Variants in ADM2 observed in about 807,000 individuals in gnomAD.
ADM2 encodes the protein adrenomedullin 2, also known as protein ADM2.
ADM2 carries 5 observed loss-of-function variants against 7.1 expected under a neutral mutation model. That is an observed-to-expected ratio of 0.71 (90% CI 0.37 to 1.49). The LOEUF is 1.49. ADM2 is among the 40% of genes most tolerant of loss of function. The pLI is 0.03. For synonymous variants in ADM2, 123 were observed against 92.8 expected, an observed-to-expected ratio of 1.33 and a Z score of -1.87; for missense variants, 236 against 211.2, an observed-to-expected ratio of 1.12 and a Z score of -0.73.
rs2068197374 is a variant in ADM2, at chr22:50,481,738, G to T, written c.-37G>T. 2.7e-5 allele frequency: 17 copies of T among 635,774 alleles called. 1 individual carries two copies. The South Asian group carries it at 5.2e-4, about 19-fold the overall frequency. 39.4% of individuals were successfully genotyped at this position (635,774 alleles called of 1,614,324 possible). On this transcript the variant is annotated 5_prime_UTR_variant, in exon 1 of 3. Transcript: ENST00000395737. ...CCAGCTTGCCACGCCCACGCCCGGC[G>T]CCCCGACCGCGGAGGACTCCCCGAG... is the stretch of plus-strand genomic sequence containing the variant.
intron 2 of ADM2, among the ~76,000 whole-genome samples, 190 bp downstream of exon 2, chr22:50,482,147 A>G (rs1335734942): frequency 6.6e-6 from 1 of 152,048 alleles, no homozygotes; most frequent in Non-Finnish European, 1.5e-5. Context: ...GCCTCCCTAC[A>G]CAGGGCAGTT....
intron 2 of ADM2, among the ~76,000 whole-genome samples, chr22:50,482,201 G>T (rs572294219): frequency 1.3e-5 from 2 of 152,332 alleles, no homozygotes; most frequent in East Asian, 1.9e-4. Context: ...TCTTCTGGGG[G>T]TGTCTGCTGG....
chr22:50,482,363 C>G (rs999355149), intron 2 of ADM2, among the ~76,000 whole-genome samples: 1 of 152,126 alleles, frequency 6.6e-6, no homozygotes, highest in Non-Finnish European at 1.5e-5. Context: ...TCCCGGGACA[C>G]GTGACCCGGG....
At position 50,483,732 on chromosome 22, in the gene ADM2, CCCA is replaced by C; in HGVS notation, c.*838_*840del. The C allele has an allele frequency of 6.0e-6, 1 of 167,662 alleles. No homozygotes were observed. The highest frequency in any genetic ancestry group is 1.3e-5 in the Non-Finnish European group (1 of 77,072). The allele number at this position is 167,662 out of a possible 1,614,324, so 10.4% of individuals were successfully genotyped here. A position where few individuals can be genotyped will look rare whatever the true frequency, so the allele number is the denominator to read the frequency against. ...GGGGCTCCACAGGCAGCACAGGCGC[CCCA>C]CCACCACCCAGTTTGGGGACCCAGT... On this transcript the variant is annotated 3_prime_UTR_variant, in exon 3 of 3. Transcript: ENST00000395737.
chr22:50,481,620 A>G lies in ADM2; in HGVS notation c.-155A>G. The G allele has an allele frequency of 4.5e-6, 1 of 220,490 alleles. No homozygotes were observed. The highest frequency in any genetic ancestry group is 8.7e-6 in the Non-Finnish European group (1 of 115,516). 13.7% of individuals were successfully genotyped at this position (220,490 alleles called of 1,614,324 possible). A position where few individuals can be genotyped will look rare whatever the true frequency, so the allele number is the denominator to read the frequency against. On this transcript the variant is annotated 5_prime_UTR_variant, in exon 1 of 3. Coordinates refer to ENST00000395737, the MANE Select transcript of ADM2 (RefSeq NM_001253845.2). Reference sequence around the variant, plus strand: ...TCCAGGCAGGACCCCCAACCCGCCCAGCCCGCTCCGCCTTGCGCCCCGGAC... The same window carrying G: ...TCCAGGCAGGACCCCCAACCCGCCCGGCCCGCTCCGCCTTGCGCCCCGGAC...
intron 2 of ADM2, 152 bp downstream of exon 2, chr22:50,482,109 G>A: frequency 1.4e-6 from 1 of 715,778 alleles, no homozygotes; most frequent in Non-Finnish European, 2.2e-6. Flanking sequence ...AGGAGCGCCT[G>A]AGCAGGGCCA....
rs2068244593 is a variant in ADM2 at position 50,484,818 on chromosome 22, T to C, written c.*1915T>C. On this transcript the variant is annotated 3_prime_UTR_variant, in exon 3 of 3. Coordinates refer to ENST00000395737, the MANE Select transcript of ADM2 (RefSeq NM_001253845.2). ...CCTCGGGTGCGAAATCAGACCCACC[T>C]GACACCATCACGCGGAGGCCCAGCA... 1 of 117,638 alleles carries C rather than the reference T, an allele frequency of 8.5e-6. No homozygotes were observed. Among genetic ancestry groups the C allele is most frequent in the Admixed American group, 8.5e-5 (1 of 11,748 alleles). 7.3% of individuals were successfully genotyped at this position (117,638 alleles called of 1,614,324 possible).
At position 50,486,328 on chromosome 22, in the gene ADM2, T is replaced by G. The variant is rs1045590866; in HGVS notation, c.*3425T>G. On this transcript the variant is annotated 3_prime_UTR_variant, in exon 3 of 3. Transcript: ENST00000395737. ...TACCCTCGAAGGCCGCCCTAACAAC[T>G]TCCCATCCGCTGACCCCTCCAACGC... The G allele has an allele frequency of 6.4e-6, 1 of 155,460 alleles. No homozygotes were observed. The highest frequency in any genetic ancestry group is 1.9e-4 in the East Asian group (1 of 5,248). The allele number at this position is 155,460 out of a possible 1,614,324, so 9.6% of individuals were successfully genotyped here. A position where few individuals can be genotyped will look rare whatever the true frequency, so the allele number is the denominator to read the frequency against.
chr22:50,485,647 G>T lies in ADM2; in HGVS notation c.*2744G>T. On this transcript the variant is annotated 3_prime_UTR_variant, in exon 3 of 3. Coordinates refer to ENST00000395737, the MANE Select transcript of ADM2 (RefSeq NM_001253845.2). ...TAAGTGGGTGGTGGAGTGGCAGGGA[G>T]TGCTGAGTGCCACAGGAAGTCAGAC... The T allele has an allele frequency of 6.6e-6, 1 of 152,512 alleles. No individual in the cohort carries two copies. Among genetic ancestry groups the T allele is most frequent in the Non-Finnish European group, 1.5e-5 (1 of 68,174 alleles). The allele number at this position is 152,512 out of a possible 1,614,324, so 9.4% of individuals were successfully genotyped here. A position where few individuals can be genotyped will look rare whatever the true frequency, so the allele number is the denominator to read the frequency against.
Position 50,481,921 on chromosome 22 carries a change from G to T in ADM2, c.74G>T (p.Arg25Leu), listed in dbSNP as rs1263089193. ...CTGCAGCTCCCTGGCTCGCTGTCCCGCAGCCTGGGCGGGGACCCGCGACCC... is the reference window on the plus strand; with the variant it reads ...CTGCAGCTCCCTGGCTCGCTGTCCCTCAGCCTGGGCGGGGACCCGCGACCC... ...LCLQLPGSLS[R>L]SLGGDPRPVK... Residue 25 changes from arginine (R) to leucine (L), a missense_variant, in exon 2 of 3, where the codon CGC becomes CTC. Coordinates refer to ENST00000395737, the MANE Select transcript of ADM2 (RefSeq NM_001253845.2). The T allele has an allele frequency of 2.6e-6, 4 of 1,535,058 alleles. No homozygotes were observed. Among genetic ancestry groups the T allele is most frequent in the East Asian group, 2.6e-5 (1 of 38,314 alleles).
chr22:50,484,853 C>CCCACCCCTACCTTCCCCAGCAA lies in ADM2; in HGVS notation c.*1954_*1955insCCCTACCTTCCCCAGCAACCAC, dbSNP rs139010962. ...ACGCGGAGGCCCAGCAGCACCTGCACCCACTTCCAGCTGCTCTGGCCAAAA... is the reference window on the plus strand; with the variant it reads ...ACGCGGAGGCCCAGCAGCACCTGCACCCACCCCTACCTTCCCCAGCAACCACTTCCAGCTGCTCTGGCCAAAA... On this transcript the variant is annotated 3_prime_UTR_variant, in exon 3 of 3. Transcript: ENST00000395737. 1 of 148,320 alleles carries CCCACCCCTACCTTCCCCAGCAA rather than the reference C, an allele frequency of 6.7e-6. No homozygotes were observed. Among genetic ancestry groups the CCCACCCCTACCTTCCCCAGCAA allele is most frequent in the East Asian group, 2.1e-4 (1 of 4,822 alleles). The allele number at this position is 148,320 out of a possible 1,614,324, so 9.2% of individuals were successfully genotyped here. A position where few individuals can be genotyped will look rare whatever the true frequency, so the allele number is the denominator to read the frequency against.
Position 50,483,665 on chromosome 22 carries a change from A to G in ADM2, c.*762A>G, listed in dbSNP as rs1294048349. 1 of 207,794 alleles carries G rather than the reference A, an allele frequency of 4.8e-6. No individual in the cohort carries two copies. The highest frequency in any genetic ancestry group is 1.0e-5 in the Non-Finnish European group (1 of 100,158). 12.9% of individuals were successfully genotyped at this position (207,794 alleles called of 1,614,324 possible). A position where few individuals can be genotyped will look rare whatever the true frequency, so the allele number is the denominator to read the frequency against. ...CCCCCAGCCCGACTAGACCCACCTC[A>G]CCTGAAGGGGGTGAGACCCTTGTTG... On this transcript the variant is annotated 3_prime_UTR_variant, in exon 3 of 3. Coordinates refer to ENST00000395737, the MANE Select transcript of ADM2 (RefSeq NM_001253845.2).
chr22:50,482,339 A>G (rs957226099), intron 2 of ADM2, among the ~76,000 whole-genome samples: 1 of 152,088 alleles, frequency 6.6e-6, no homozygotes, highest in Admixed American at 6.5e-5. Context: ...CCCTTTGGCC[A>G]AGGAGGTGCC....
chr22:50,482,002 G>A, intron 2 of ADM2, 45 bp downstream of exon 2: 1 of 1,505,036 alleles, frequency 6.6e-7, no homozygotes, highest in Non-Finnish European at 8.9e-7. Context: ...GCCCCCGCAG[G>A]GAAGCAGAGT....
Position 50,484,473 on chromosome 22 carries a change from G to C in ADM2, c.*1570G>C, listed in dbSNP as rs1253675817. On this transcript the variant is annotated 3_prime_UTR_variant, in exon 3 of 3. Coordinates refer to ENST00000395737, the MANE Select transcript of ADM2 (RefSeq NM_001253845.2). ...GGCTGCTGAGAGGCTGCAGGGTGGA[G>C]GGGCCTCGGCCTCAGAGTCATGTGC... The C allele has an allele frequency of 1.3e-5, 2 of 152,534 alleles. No homozygotes were observed. Among genetic ancestry groups the C allele is most frequent in the Non-Finnish European group, 1.5e-5 (1 of 68,310 alleles). 9.4% of individuals were successfully genotyped at this position (152,534 alleles called of 1,614,324 possible). A position where few individuals can be genotyped will look rare whatever the true frequency, so the allele number is the denominator to read the frequency against.
In ADM2 at chr22:50,481,871, C is replaced by A. The variant is rs1027330300; in HGVS notation, c.24C>A (p.Ala8=). 4 of 1,516,024 alleles carry A rather than the reference C, an allele frequency of 2.6e-6. No individual in the cohort carries two copies. In the South Asian group the frequency reaches 4.9e-5, roughly 18 times the overall value. 93.9% of individuals were successfully genotyped at this position (1,516,024 alleles called of 1,614,324 possible). MARIPTA[A]LGCISLLCLQ... is the part of the protein sequence containing the mutation. ...CCATGGCCCGGATCCCGACGGCCGC[C>A]CTGGGTTGCATCAGCCTCCTCTGCC... Residue 8 remains alanine, a synonymous_variant, in exon 2 of 3, where the codon GCC becomes GCA. Coordinates refer to ENST00000395737, the MANE Select transcript of ADM2 (RefSeq NM_001253845.2).
rs182959713 is a variant in ADM2, at chr22:50,486,121, G to C, written c.*3218G>C. On this transcript the variant is annotated 3_prime_UTR_variant, in exon 3 of 3. Coordinates refer to ENST00000395737, the MANE Select transcript of ADM2 (RefSeq NM_001253845.2). ...CTGAGTCCTTTCCTCGACGAGGCCT[G>C]ACCCCATCCCCATCCTCGCTGGGCC... 561 of 152,416 alleles carry C rather than the reference G, an allele frequency of 3.7e-3. 2 individuals are homozygous for C. The highest frequency in any genetic ancestry group is 0.01 in the South Asian group (50 of 4,836). 9.4% of individuals were successfully genotyped at this position (152,416 alleles called of 1,614,324 possible). A position where few individuals can be genotyped will look rare whatever the true frequency, so the allele number is the denominator to read the frequency against.
In ADM2 at chr22:50,481,885, G is replaced by A. The variant is rs754868707; in HGVS notation, c.38G>A (p.Ser13Asn). Reference protein sequence around the residue: ...RIPTAALGCISLLCLQLPGSL... With the variant: ...RIPTAALGCINLLCLQLPGSL... Reference sequence around the variant, plus strand: ...CCGACGGCCGCCCTGGGTTGCATCAGCCTCCTCTGCCTGCAGCTCCCTGGC... The same window carrying A: ...CCGACGGCCGCCCTGGGTTGCATCAACCTCCTCTGCCTGCAGCTCCCTGGC... The change falls in exon 2 of 3, where the codon AGC becomes AAC. Residue 13 changes from serine to asparagine, a missense_variant. Transcript: ENST00000395737. The A allele has an allele frequency of 7.0e-5, 107 of 1,524,970 alleles. No homozygotes were observed. Among genetic ancestry groups the A allele is most frequent in the Non-Finnish European group, 9.1e-5 (104 of 1,140,256 alleles). The allele number at this position is 1,524,970 out of a possible 1,614,324, so 94.5% of individuals were successfully genotyped here.
In ADM2 at chr22:50,484,275, CTGAG is replaced by C. The variant is rs2068236791; in HGVS notation, c.*1373_*1376del. 6.6e-6 allele frequency: 1 copy of C among 152,600 alleles called. No individual in the cohort carries two copies. The allele number at this position is 152,600 out of a possible 1,614,324, so 9.5% of individuals were successfully genotyped here. On this transcript the variant is annotated 3_prime_UTR_variant, in exon 3 of 3. Transcript: ENST00000395737. ...CCTGCCCTGTGGAGGCCTCCGTGCA[CTGAG>C]AGATGTACTAGGATTGCAGCAAAGG... is the stretch of plus-strand genomic sequence containing the variant.
Sources: gnomAD v4.1 joint callset for allele counts (sites outside exome capture counted in the v4.1 genomes callset) on GRCh38, gnomAD v4.1.1 for gene constraint, MANE v1.5 for transcripts, NCBI Gene and HGNC (gene_info 2026-07-23, HGNC 2026-07-21) for gene names.